Variants in CFAP96 observed in about 807,000 individuals in gnomAD.
CFAP96 encodes cilia-and flagella-associated protein 96.
chr4:185,445,607 A>T, the CFAP96 span: 2 of 1,034,114 alleles, frequency 1.9e-6, no homozygotes, highest in Non-Finnish European at 2.9e-6. Context: ...CTTTGAGAAA[A>T]AGTATATTAT....
the CFAP96 span, among the ~76,000 whole-genome samples, chr4:185,411,106 A>T: frequency 1.8e-4 from 28 of 151,702 alleles, no homozygotes; most frequent in African/African-American, 6.7e-4. Flanking sequence ...AGAGGGGGCC[A>T]ACAAAGCCAA....
At chr4:185,430,938 G>A in the CFAP96 span, among the ~76,000 whole-genome samples, 89 of 151,980 alleles carry the variant, frequency 5.9e-4, no homozygotes, top group Non-Finnish European at 1.1e-3. Flanking sequence ...CTGGCCAGGC[G>A]TGGTGGCTCT....
the CFAP96 span, among the ~76,000 whole-genome samples, chr4:185,433,353 C>G: frequency 6.9e-6 from 1 of 144,210 alleles, no homozygotes; most frequent in South Asian, 2.2e-4. Context: ...GCCAAGATCA[C>G]ACCACTGCAC....
chr4:185,432,277 A>G, the CFAP96 span: 2 of 1,119,942 alleles, frequency 1.8e-6, no homozygotes, highest in Non-Finnish European at 2.5e-6. Context: ...GTTTTTCTGT[A>G]GGACTTACTT....
the CFAP96 span, chr4:185,426,076 G>C: frequency 1.6e-6 from 1 of 610,638 alleles, no homozygotes; most frequent in Non-Finnish European, 3.0e-6. Flanking sequence ...GAAGACTTAT[G>C]TTTGGTAAAT....
the CFAP96 span, among the ~76,000 whole-genome samples, chr4:185,445,747 A>G: frequency 2.6e-5 from 4 of 152,258 alleles, no homozygotes; most frequent in African/African-American, 9.6e-5. Context: ...TTATAAAAAC[A>G]GTAGTACATC....
the CFAP96 span, among the ~76,000 whole-genome samples, chr4:185,417,655 A>G: frequency 2.0e-5 from 3 of 152,148 alleles, no homozygotes; most frequent in African/African-American, 7.2e-5. Flanking sequence ...AACTTCATAC[A>G]ACTTCGTGCC....
At chr4:185,425,777 G>A in the CFAP96 span, 2 of 1,547,658 alleles carry the variant, frequency 1.3e-6, no homozygotes, top group Admixed American at 1.9e-5. Context: ...GGCAGGACCA[G>A]CTCCTTTCAG....
chr4:185,415,391 AC>A, the CFAP96 span: 1 of 1,457,474 alleles, frequency 6.9e-7, no homozygotes, highest in South Asian at 1.4e-5. Context: ...AGTTATAGTG[AC>A]TACAATAAAG....
the CFAP96 span, among the ~76,000 whole-genome samples, chr4:185,439,285 G>A: frequency 1.3e-5 from 2 of 152,086 alleles, no homozygotes; most frequent in Admixed American, 1.3e-4. Context: ...TAAATTTTCA[G>A]TACCATTGTT....
the CFAP96 span, chr4:185,413,640 A>C: frequency 7.9e-7 from 1 of 1,262,258 alleles, no homozygotes; most frequent in Non-Finnish European, 1.1e-6. Context: ...ATACATAATG[A>C]ATCAAGTCTC....
the CFAP96 span, among the ~76,000 whole-genome samples, chr4:185,413,323 G>A: frequency 2.0e-5 from 3 of 152,158 alleles, no homozygotes; most frequent in Non-Finnish European, 4.4e-5. Context: ...AGGAGGCGGA[G>A]GTTGCAGTGA....
At chr4:185,430,597 A>G in the CFAP96 span, among the ~76,000 whole-genome samples, 4 of 152,184 alleles carry the variant, frequency 2.6e-5, no homozygotes, top group Non-Finnish European at 5.9e-5. Flanking sequence ...ATTTGAATGT[A>G]TTACCTTTTC....
the CFAP96 span, among the ~76,000 whole-genome samples, chr4:185,417,617 A>G: frequency 6.6e-6 from 1 of 152,074 alleles, no homozygotes; most frequent in African/African-American, 2.4e-5. Flanking sequence ...TTCTTCCTCT[A>G]CCAGCCTGGA....
At chr4:185,429,412 A>G in the CFAP96 span, 1 of 1,530,282 alleles carries the variant, frequency 6.5e-7, no homozygotes, top group Admixed American at 2.2e-5. Flanking sequence ...AGACGCCACC[A>G]TGCCTGCGGA....
At chr4:185,413,676 T>C in the CFAP96 span, 15 of 1,544,706 alleles carry the variant, frequency 9.7e-6, no homozygotes, top group Non-Finnish European at 1.3e-5. Flanking sequence ...AAAAAACAAC[T>C]AATAACATTA....
At chr4:185,445,097 C>A in the CFAP96 span, 1 of 1,551,518 alleles carries the variant, frequency 6.4e-7, no homozygotes, top group East Asian at 2.4e-5. Flanking sequence ...AAAAGCAGAC[C>A]AGTTGAAAGT....
chr4:185,440,206 A>G, the CFAP96 span, among the ~76,000 whole-genome samples: 1 of 152,092 alleles, frequency 6.6e-6, no homozygotes, highest in Non-Finnish European at 1.5e-5. Flanking sequence ...TCTCTGAGAA[A>G]TGCTAAAAGC....
At chr4:185,420,430 T>G in the CFAP96 span, among the ~76,000 whole-genome samples, 1 of 152,120 alleles carries the variant, frequency 6.6e-6, no homozygotes. Flanking sequence ...AGCCTTACAT[T>G]CCTAAATCCT....
Sources: gnomAD v4.1 joint callset for allele counts (sites outside exome capture counted in the v4.1 genomes callset) on GRCh38, gnomAD v4.1.1 for gene constraint, MANE v1.5 for transcripts, NCBI Gene and HGNC (gene_info 2026-07-23, HGNC 2026-07-21) for gene names.